The following ANO2 variants were observed in gnomAD, a reference collection of about 807,000 sequenced individuals.
ANO2 encodes anoctamin 2.
In ANO2, 101 loss-of-function variants were observed where a neutral mutation model predicts 124.2. The ratio of observed to expected loss-of-function variants is 0.81; its 90% CI spans 0.69 to 0.96. ANO2 has a LOEUF of 0.96. Among genes scored for constraint, ANO2 ranks in the 40% least tolerant of loss-of-function variants. ANO2 has a pLI of 0.00. For synonymous variants in ANO2, 486 were observed against 482.5 expected, an observed-to-expected ratio of 1.01 and a Z score of -0.09; for missense variants, 1,293 against 1,274.5, an observed-to-expected ratio of 1.01 and a Z score of -0.22.
chr12:5,568,420 C>T (rs370445715), intron 23 of ANO2, among the ~76,000 whole-genome samples: 1 of 152,108 alleles, frequency 6.6e-6, no homozygotes, highest in African/African-American at 2.4e-5. Flanking sequence ...CTTCAAAATG[C>T]CGATCATGAC....
chr12:5,882,105 G>C (rs1938542340), intron 3 of ANO2, among the ~76,000 whole-genome samples: 1 of 152,080 alleles, frequency 6.6e-6, no homozygotes, highest in African/African-American at 2.4e-5. Flanking sequence ...TTTTCTTCAA[G>C]AGTCATTAAG....
intron 10 of ANO2, among the ~76,000 whole-genome samples, chr12:5,764,014 T>G (rs1337517759): frequency 6.6e-6 from 1 of 152,206 alleles, no homozygotes; most frequent in Non-Finnish European, 1.5e-5. Flanking sequence ...GCTAGTTATC[T>G]TTTCATGGGC....
chr12:5,640,602 C>T lies in ANO2; in HGVS notation c.1621-5255G>A, dbSNP rs186086667. ...CACTTCTCAAAAGAAGACATTTATG[C>T]AGCCAACAGACACATGAAAAAATGC... is the stretch of plus-strand genomic sequence containing the variant. On this transcript the variant is annotated intron_variant, in intron 15 of 24. Transcript: ENST00000682330. 4.5e-3 allele frequency among the ~76,000 whole-genome samples: 692 copies of T among 152,286 alleles called. 5 individuals are homozygous for T. The highest frequency in any genetic ancestry group is 0.015 in the African/African-American group (637 of 41,552).
intron 6 of ANO2, among the ~76,000 whole-genome samples, chr12:5,828,968 C>A (rs1025520545): frequency 6.6e-6 from 1 of 152,220 alleles, no homozygotes; most frequent in Non-Finnish European, 1.5e-5. Flanking sequence ...AAACTCAAGG[C>A]TCTTTTCCCC....
At chr12:5,576,464 C>T (rs1270550948) in intron 22 of ANO2, among the ~76,000 whole-genome samples, 1 of 152,206 alleles carries the variant, frequency 6.6e-6, no homozygotes, top group African/African-American at 2.4e-5. Context: ...GCCAGAAATA[C>T]CAAGAATATG....
intron 14 of ANO2, among the ~76,000 whole-genome samples, chr12:5,696,032 A>T (rs930275884): frequency 6.6e-6 from 1 of 152,194 alleles, no homozygotes; most frequent in Admixed American, 6.5e-5. Flanking sequence ...AAACTAAATG[A>T]TAAAAAGTTT....
chr12:5,650,598 G>A (rs1946871102), intron 14 of ANO2, among the ~76,000 whole-genome samples: 1 of 152,178 alleles, frequency 6.6e-6, no homozygotes, highest in African/African-American at 2.4e-5. Context: ...CTCTAATAAT[G>A]GAAGCCAATT....
chr12:5,643,334 T>C (rs1051813098), intron 15 of ANO2, among the ~76,000 whole-genome samples: 2 of 152,256 alleles, frequency 1.3e-5, no homozygotes, highest in African/African-American at 4.8e-5. Context: ...CTGTATATAT[T>C]CTTTCATCTT....
chr12:5,753,329 T>C (rs1340348333), intron 10 of ANO2, among the ~76,000 whole-genome samples: 1 of 152,160 alleles, frequency 6.6e-6, no homozygotes, highest in Non-Finnish European at 1.5e-5. Flanking sequence ...GAATAGTCAA[T>C]TAAGTATTCA....
chr12:5,677,975 A>C (rs2215737), intron 14 of ANO2, among the ~76,000 whole-genome samples: 1 of 151,820 alleles, frequency 6.6e-6, no homozygotes, highest in African/African-American at 2.4e-5. Flanking sequence ...AGTTTGGACA[A>C]GATAAGCAGG....
intron 10 of ANO2, 46 bp from the exon 11 acceptor site, chr12:5,751,016 T>A (rs778086674): frequency 6.6e-7 from 1 of 1,512,272 alleles, no homozygotes. Context: ...AAGAACATCA[T>A]ATACTTTCCT....
At position 5,758,079 on chromosome 12, in the gene ANO2, C is replaced by T. The variant is rs115899049; in HGVS notation, c.1056-7109G>A. Among the ~76,000 whole-genome samples, 543 of 152,220 alleles carry T rather than the reference C, an allele frequency of 3.6e-3. 2 individuals carry two copies. The highest frequency in any genetic ancestry group is 0.012 in the African/African-American group (480 of 41,514). On this transcript the variant is annotated intron_variant, in intron 10 of 24. Coordinates refer to ENST00000682330, the MANE Select transcript of ANO2 (RefSeq NM_001364791.2). ...TCCTGGAATCTTCTCTTATTCAAAT[C>T]GAAAGCCTTAAACGGAAGAAGGGAC...
chr12:5,776,110 T>C (rs1347540552), intron 10 of ANO2, among the ~76,000 whole-genome samples: 3 of 152,200 alleles, frequency 2.0e-5, no homozygotes, highest in Non-Finnish European at 4.4e-5. Context: ...TGAGCACTGT[T>C]GGCGAACATA....
intron 4 of ANO2, among the ~76,000 whole-genome samples, chr12:5,852,649 T>C (rs1217400594): frequency 6.6e-6 from 1 of 152,002 alleles, no homozygotes; most frequent in Non-Finnish European, 1.5e-5. Flanking sequence ...TAAATCAGAA[T>C]GGTGTTGCTG....
intron 3 of ANO2, among the ~76,000 whole-genome samples, chr12:5,858,341 G>A (rs527761453): frequency 2.8e-4 from 43 of 152,230 alleles, no homozygotes; most frequent in Non-Finnish European, 5.7e-4. Context: ...ATATGTTTGT[G>A]ACAGCATTAT....
intron 9 of ANO2, among the ~76,000 whole-genome samples, chr12:5,803,873 C>T (rs778123984): frequency 1.1e-4 from 16 of 152,182 alleles, no homozygotes; most frequent in Admixed American, 4.6e-4. Context: ...CATTCTCTAG[C>T]GCCTCTTGGC....
intron 7 of ANO2, among the ~76,000 whole-genome samples, chr12:5,825,494 C>A (rs1325261486): frequency 6.6e-6 from 1 of 152,164 alleles, no homozygotes; most frequent in Non-Finnish European, 1.5e-5. Context: ...GTTCCCACAG[C>A]ATTACGTTCT....
intron 10 of ANO2, among the ~76,000 whole-genome samples, chr12:5,790,035 A>T (rs939593900): frequency 2.6e-5 from 4 of 152,226 alleles, no homozygotes; most frequent in Non-Finnish European, 4.4e-5. Context: ...GGTAACTCAC[A>T]GGACGCCAGT....
chr12:5,946,000 G>A (rs1943085798), upstream of ANO2: 3 of 861,166 alleles, frequency 3.5e-6, no homozygotes, highest in South Asian at 4.8e-5. Flanking sequence ...TGGGCAGGGG[G>A]ATGGGAGGGA....
Sources: allele counts gnomAD v4.1 joint callset (sites outside exome capture counted in the v4.1 genomes callset), GRCh38; gene constraint gnomAD v4.1.1; transcripts MANE v1.5; gene names NCBI Gene and HGNC (gene_info 2026-07-23, HGNC 2026-07-21).